The following CAPS2 variants were observed in gnomAD, a reference collection of about 807,000 sequenced individuals.
The protein encoded by CAPS2 is calcyphosine 2, also known as calcyphosin-2.
CAPS2 carries 98 observed loss-of-function variants against 86.5 expected under a neutral mutation model. That is an observed-to-expected ratio of 1.13 (90% CI 0.96 to 1.34). The LOEUF (loss-of-function observed/expected upper bound fraction) is 1.34, where lower values mean the gene tolerates loss of function less well. Among genes scored for constraint, CAPS2 ranks in the 40% most tolerant of loss-of-function variants. CAPS2 has a pLI of 0.00. For missense variants in CAPS2, 729 were observed against 686.8 expected (o/e 1.06, Z -0.69); for synonymous variants, 210 against 225.1 (o/e 0.93, Z 0.60).
chr12:75,276,244 C>A (rs1209509474), downstream of CAPS2: 4 of 1,543,490 alleles, frequency 2.6e-6, no homozygotes, highest in African/African-American at 4.1e-5. Flanking sequence ...CCTTGCTGGT[C>A]AACCTAGTAG....
At chr12:75,325,469 T>C (rs2040679619) in intron 1 of CAPS2, 181 bp from the exon 3 acceptor site, 1 of 184,538 alleles carries the variant, frequency 5.4e-6, no homozygotes, top group South Asian at 1.8e-4. Context: ...AAAAGGCAAG[T>C]AAGACAGATA....
At chr12:75,282,465 C>A in intron 15 of CAPS2, 118 bp from the exon 16 acceptor site, 2 of 668,618 alleles carry the variant, frequency 3.0e-6, no homozygotes, top group Non-Finnish European at 5.4e-6. Context: ...CAGCTCACTG[C>A]AATCTCCGCC....
At chr12:75,332,782 A>G (rs1198909093), upstream of CAPS2, among the ~76,000 whole-genome samples, 1 of 152,212 alleles carries the variant, frequency 6.6e-6, no homozygotes, top group East Asian at 1.9e-4. Flanking sequence ...GGTGAAGGCT[A>G]CAATCTGATA....
intron 5 of CAPS2, among the ~76,000 whole-genome samples, chr12:75,320,897 A>C (rs2040235945): frequency 6.6e-6 from 1 of 151,946 alleles, no homozygotes; most frequent in African/African-American, 2.4e-5. Context: ...TTTATACCTA[A>C]TATTACATAA....
At chr12:75,281,443 G>T (rs1027951536) in intron 16 of CAPS2, among the ~76,000 whole-genome samples, 17 of 151,802 alleles carry the variant, frequency 1.1e-4, no homozygotes, top group African/African-American at 3.9e-4. Flanking sequence ...AAAAAATAAG[G>T]TGGCTCAATG....
chr12:75,367,123 T>C (rs2044023064), intron 1 of CAPS2: 7 of 672,076 alleles, frequency 1.0e-5, no homozygotes, highest in South Asian at 6.4e-5. Context: ...GAAGACACTT[T>C]AGAATACACC....
At chr12:75,293,802 C>A (rs765260901) in intron 11 of CAPS2, among the ~76,000 whole-genome samples, 36 of 152,264 alleles carry the variant, frequency 2.4e-4, no homozygotes, top group Non-Finnish European at 4.6e-4. Flanking sequence ...CTAATTTCAA[C>A]CTAATTAGAA....
Position 75,304,882 on chromosome 12 carries a change from C to T in CAPS2, c.660-6G>A, listed in dbSNP as rs372162631. On this transcript the variant is annotated splice_region_variant and splice_polypyrimidine_tract_variant and intron_variant, in intron 7 of 16. Coordinates refer to ENST00000393284, the Ensembl canonical transcript of CAPS2. ...CTGGATCACTGATGACAGCCCTATA[C>T]AGGAAAATAAAAAGTCCAACAATTA... 7.6e-5 allele frequency: 122 copies of T among 1,603,172 alleles called. 1 individual carries two copies. In the Middle Eastern group the frequency reaches 1.2e-3, roughly 15 times the overall value.
chr12:75,306,544 T>C (rs1471564214), intron 7 of CAPS2, among the ~76,000 whole-genome samples: 1 of 152,250 alleles, frequency 6.6e-6, no homozygotes, highest in Non-Finnish European at 1.5e-5. Flanking sequence ...GTTTAGGACA[T>C]ACGCATGTTT....
At chr12:75,343,302 C>G (rs1339840506) in intron 1 of CAPS2, among the ~76,000 whole-genome samples, 2 of 151,772 alleles carry the variant, frequency 1.3e-5, no homozygotes, top group Non-Finnish European at 2.9e-5. Context: ...GGGATTTTTT[C>G]TTTCTATTCC....
chr12:75,360,861 T>C (rs532420092), intron 1 of CAPS2: 7 of 152,306 alleles, frequency 4.6e-5, no homozygotes, highest in Admixed American at 3.3e-4. Flanking sequence ...ATCCAGGCAT[T>C]TCCATATGTC....
intron 14 of CAPS2, among the ~76,000 whole-genome samples, chr12:75,288,268 C>T (rs985329532): frequency 6.6e-6 from 1 of 152,036 alleles, no homozygotes; most frequent in Non-Finnish European, 1.5e-5. Flanking sequence ...ATCATAAAAA[C>T]CAAAAAGATG....
chr12:75,321,204 C>T (rs2076476845), intron 5 of CAPS2, among the ~76,000 whole-genome samples, 196 bp downstream of exon 5: 1 of 151,900 alleles, frequency 6.6e-6, no homozygotes, highest in Non-Finnish European at 1.5e-5. Context: ...TGACAATAAC[C>T]CTTTAAATTT....
At chr12:75,325,206 T>C in intron 2 of CAPS2, 33 bp downstream of exon 3, 1 of 1,539,682 alleles carries the variant, frequency 6.5e-7, no homozygotes. Flanking sequence ...ATGTGCCCAT[T>C]AAACAGTCCA....
chr12:75,299,886 C>T lies in CAPS2; in HGVS notation c.805G>A (p.Glu269Lys). ...TGTAATTTATGAGAAAGCACATTTT[C>T]AGTTAATGTAGAATGAGTTCTTATC... is the stretch of plus-strand genomic sequence containing the variant. Residue 269 changes from glutamate (E) to lysine (K), a missense_variant, in exon 9 of 17, where the codon GAA (glutamate) becomes AAA (lysine). Transcript: ENST00000393284. The T allele has an allele frequency of 1.3e-6, 2 of 1,523,400 alleles. No homozygotes were observed. Among genetic ancestry groups the T allele is most frequent in the Non-Finnish European group, 1.8e-6 (2 of 1,115,482 alleles). 94.4% of individuals were successfully genotyped at this position (1,523,400 alleles called of 1,614,324 possible). A position where few individuals can be genotyped will look rare whatever the true frequency, so the allele number is the denominator to read the frequency against.
intron 1 of CAPS2, among the ~76,000 whole-genome samples, chr12:75,343,097 C>T (rs984053187): frequency 1.4e-4 from 21 of 151,852 alleles, no homozygotes; most frequent in Admixed American, 1.4e-3. Flanking sequence ...AATCCTTATA[C>T]ATTTTATATA....
chr12:75,284,177 T>C (rs1466416160), intron 15 of CAPS2, among the ~76,000 whole-genome samples: 4 of 152,190 alleles, frequency 2.6e-5, no homozygotes, highest in African/African-American at 4.8e-5. Context: ...TACGAATAAG[T>C]ACACATTTAT....
intron 1 of CAPS2, among the ~76,000 whole-genome samples, chr12:75,345,682 G>T (rs970513068): frequency 6.6e-6 from 1 of 152,154 alleles, no homozygotes; most frequent in Non-Finnish European, 1.5e-5. Flanking sequence ...TGGATACTAA[G>T]GGAAAATTGA....
In CAPS2 at chr12:75,289,788, AAG is replaced by A. The variant is rs772146664; in HGVS notation, c.1241-15_1241-14del. ...TCTTTTAGCACATCTGTTCAACAAG[AAG>A]AGAGATGAAAACAAATTGTTCCTAT... On this transcript the variant is annotated splice_polypyrimidine_tract_variant and intron_variant, in intron 13 of 16. Coordinates refer to ENST00000393284, the Ensembl canonical transcript of CAPS2. The A allele has an allele frequency of 2.5e-6, 4 of 1,595,858 alleles. No homozygotes were observed. In the Admixed American group the frequency reaches 6.9e-5, roughly 28 times the overall value.
Sources: gnomAD v4.1 joint callset for allele counts (sites outside exome capture counted in the v4.1 genomes callset) on GRCh38, gnomAD v4.1.1 for gene constraint, MANE v1.5 for transcripts, NCBI Gene and HGNC (gene_info 2026-07-23, HGNC 2026-07-21) for gene names.